Variants in TNFRSF18 observed in about 807,000 individuals in gnomAD.
TNFRSF18 encodes TNF receptor superfamily member 18, also known as tumor necrosis factor receptor superfamily member 18.
Under a neutral mutation model 30.2 loss-of-function variants are expected in TNFRSF18, and 36 were observed. The ratio of observed to expected loss-of-function variants is 1.19; its 90% CI spans 0.91 to 1.58. The LOEUF (loss-of-function observed/expected upper bound fraction) is 1.58, where lower values mean the gene tolerates loss of function less well. Among genes scored for constraint, TNFRSF18 ranks in the 40% most tolerant of loss-of-function variants. The pLI, the probability that TNFRSF18 is intolerant of heterozygous loss-of-function variation, is 0.00. For synonymous variants in TNFRSF18, 173 were observed against 158.3 expected, an observed-to-expected ratio of 1.09 and a Z score of -0.70; for missense variants, 369 against 345.4, an observed-to-expected ratio of 1.07 and a Z score of -0.54.
In TNFRSF18 at chr1:1,204,389, C is replaced by T. The variant is rs1162679650; in HGVS notation, c.398+10G>A. 1 of 1,612,244 alleles carries T rather than the reference C, an allele frequency of 6.2e-7. No individual in the cohort carries two copies. The highest frequency in any genetic ancestry group is 8.5e-7 in the Non-Finnish European group (1 of 1,179,638). ...CACCCGGCCACCGGCAGGGCCCACC[C>T]AGGACTCACTCTGTCCAAGGTTTGC... On this transcript the variant is annotated intron_variant, in intron 3 of 4. Transcript: ENST00000379268.
In TNFRSF18 at chr1:1,205,418, T is replaced by C; in HGVS notation, c.262A>G (p.Thr88Ala). The C allele has an allele frequency of 6.2e-7, 1 of 1,612,452 alleles. No homozygotes were observed. The highest frequency in any genetic ancestry group is 1.1e-5 in the South Asian group (1 of 91,070). ...GGGGGACAAGGGTGGTGCCGGCAGGTCGTGCAGCAAGGGTCTCCGCAGTGG... is the reference window on the plus strand; with the variant it reads ...GGGGGACAAGGGTGGTGCCGGCAGGCCGTGCAGCAAGGGTCTCCGCAGTGG... ...EFHCGDPCCT[T>A]CRHHPCPPGQ... Residue 88 changes from threonine to alanine, a missense_variant, in exon 2 of 5, where the codon ACC (threonine) becomes GCC (alanine). Thr to Ala is a moderately conservative substitution (Grantham distance 58). Transcript: ENST00000379268.
At chr1:1,205,798 C>T (rs1648794668) in intron 1 of TNFRSF18, 1 of 374,978 alleles carries the variant, frequency 2.7e-6, no homozygotes, top group Non-Finnish European at 4.9e-6. Flanking sequence ...GTGCACAGTC[C>T]CCTGGAGGCC....
In TNFRSF18 at chr1:1,204,112, C is replaced by T. The variant is rs764696354; in HGVS notation, c.523G>A (p.Ala175Thr). 44 of 1,610,350 alleles carry T rather than the reference C, an allele frequency of 2.7e-5. No homozygotes were observed. The highest frequency in any genetic ancestry group is 4.4e-5 in the South Asian group (4 of 90,700). Residue 175 changes from alanine to threonine, a missense_variant, in exon 4 of 5, where the codon GCC (alanine) becomes ACC (threonine). Coordinates refer to ENST00000379268, the MANE Select transcript of TNFRSF18 (RefSeq NM_004195.3). ...WLTVVLLAVA[A>T]CVLLLTSAQL... ...GCCGAGGTCAGGAGGAGGACGCAGGCGGCCACGGCCAGGAGGACGACGGTC... is the reference window on the plus strand; with the variant it reads ...GCCGAGGTCAGGAGGAGGACGCAGGTGGCCACGGCCAGGAGGACGACGGTC...
At position 1,203,935 on chromosome 1, in the gene TNFRSF18, G is replaced by A. The variant is rs768525310; in HGVS notation, c.635C>T (p.Thr212Ile). ...TQLLLEVPPS[T>I]EDARSCQFPE... ...GAACTGGCAGCTTCTGGCGTCTTCG[G>A]TCGACGGCGGCACCTCCAGCAGCAG... The change falls in exon 5 of 5, where the codon ACC (threonine) becomes ATC (isoleucine). Residue 212 changes from threonine to isoleucine, a missense_variant. Coordinates refer to ENST00000379268, the MANE Select transcript of TNFRSF18 (RefSeq NM_004195.3). 7 of 1,607,452 alleles carry A rather than the reference G, an allele frequency of 4.4e-6. No homozygotes were observed. The highest frequency in any genetic ancestry group is 3.3e-5 in the South Asian group (3 of 90,944).
Position 1,206,476 on chromosome 1 carries a change from G to A in TNFRSF18, c.96C>T (p.Pro32=), listed in dbSNP as rs1267457653. 20 of 1,546,462 alleles carry A rather than the reference G, an allele frequency of 1.3e-5. No homozygotes were observed. Among genetic ancestry groups the A allele is most frequent in the Admixed American group, 9.8e-5 (5 of 50,900 alleles). The stretch of plus-strand genomic sequence containing the variant: ...GCAGGAGGCGCCCAGGGCCGCACCC[G>A]GGACCCCCGGTGGGGCGCTGACCCA... ...LSLGQRPTGG[P]GCGPGRLLLG... Residue 32 remains proline, a synonymous_variant, in exon 1 of 5, where the codon CCC becomes CCT. Transcript: ENST00000379268.
rs376685807 is a variant in TNFRSF18 at position 1,204,501 on chromosome 1, G to A, written c.311-15C>T. 268 of 1,570,356 alleles carry A rather than the reference G, an allele frequency of 1.7e-4. 2 individuals carry two copies. Among genetic ancestry groups the A allele is most frequent in the East Asian group, 6.7e-5 (3 of 44,652 alleles). On this transcript the variant is annotated splice_polypyrimidine_tract_variant and intron_variant, in intron 2 of 4. Coordinates refer to ENST00000379268, the MANE Select transcript of TNFRSF18 (RefSeq NM_004195.3). The stretch of plus-strand genomic sequence containing the variant: ...ACTGAATTTCCCTGGTGTGGGGTGT[G>A]GGGGGAGGGAGGGAGGGAGGCTGGT...
In TNFRSF18 at chr1:1,204,504, G is replaced by T; in HGVS notation, c.311-18C>A. On this transcript the variant is annotated intron_variant, in intron 2 of 4. Coordinates refer to ENST00000379268, the MANE Select transcript of TNFRSF18 (RefSeq NM_004195.3). Reference sequence around the variant, plus strand: ...GAATTTCCCTGGTGTGGGGTGTGGGGGGAGGGAGGGAGGGAGGCTGGTGGA... The same window carrying T: ...GAATTTCCCTGGTGTGGGGTGTGGGTGGAGGGAGGGAGGGAGGCTGGTGGA... The T allele has an allele frequency of 2.1e-6, 3 of 1,450,094 alleles. No individual in the cohort carries two copies. Among genetic ancestry groups the T allele is most frequent in the Non-Finnish European group, 2.9e-6 (3 of 1,036,832 alleles). 89.8% of individuals were successfully genotyped at this position (1,450,094 alleles called of 1,614,324 possible).
Position 1,204,500 on chromosome 1 carries a change from TG to T in TNFRSF18, c.311-15del. 1.1e-5 allele frequency: 4 copies of T among 354,640 alleles called. No individual in the cohort carries two copies. The highest frequency in any genetic ancestry group is 2.2e-5 in the Non-Finnish European group (4 of 181,128). 22.0% of individuals were successfully genotyped at this position (354,640 alleles called of 1,614,324 possible). On this transcript the variant is annotated splice_polypyrimidine_tract_variant and intron_variant, in intron 2 of 4. Coordinates refer to ENST00000379268, the MANE Select transcript of TNFRSF18 (RefSeq NM_004195.3). ...AACTGAATTTCCCTGGTGTGGGGTG[TG>T]GGGGGAGGGAGGGAGGGAGGCTGGT...
At position 1,203,914 on chromosome 1, in the gene TNFRSF18, T is replaced by C; in HGVS notation, c.656A>G (p.Gln219Arg). 1.9e-6 allele frequency: 3 copies of C among 1,607,886 alleles called. 1 individual carries two copies. Among genetic ancestry groups the C allele is most frequent in the Non-Finnish European group, 8.5e-7 (1 of 1,179,566 alleles). The change falls in exon 5 of 5, where the codon CAG becomes CGG. Residue 219 changes from glutamine to arginine, a missense_variant. Transcript: ENST00000379268. ...PPSTEDARSC[Q>R]FPEEERGERS... ...CTCGCCCCGCTCTTCCTCGGGGAAC[T>C]GGCAGCTTCTGGCGTCTTCGGTCGA...
chr1:1,206,007 C>T (rs11466681), intron 1 of TNFRSF18, among the ~76,000 whole-genome samples: 9,482 of 152,276 alleles, frequency 0.062, 326 homozygotes, highest in East Asian at 0.13. Context: ...AGGTCAGAGG[C>T]AGGCAGCAGG....
chr1:1,206,280 G>T, intron 1 of TNFRSF18, 105 bp downstream of exon 1: 1 of 1,349,712 alleles, frequency 7.4e-7, no homozygotes, highest in Non-Finnish European at 1.0e-6. Context: ...ACCCTCCTTA[G>T]ACCTCAGCAA....
Position 1,205,463 on chromosome 1 carries a change from T to G in TNFRSF18, c.217A>C (p.Met73Leu), listed in dbSNP as rs765173959. ...GEECCSEWDC[M>L]CVQPEFHCGD... ...CAGTGGAATTCAGGCTGGACACACA[T>G]GCAGTCCCACTCGGAACAGCACTCC... The change falls in exon 2 of 5, where the codon ATG (methionine) becomes CTG (leucine). Residue 73 changes from methionine to leucine, a missense_variant. Coordinates refer to ENST00000379268, the MANE Select transcript of TNFRSF18 (RefSeq NM_004195.3). 4 of 1,612,498 alleles carry G rather than the reference T, an allele frequency of 2.5e-6. No homozygotes were observed. In the Admixed American group the frequency reaches 6.7e-5, roughly 27 times the overall value.
chr1:1,206,431 C>T lies in TNFRSF18; in HGVS notation c.141G>A (p.Ala47=), dbSNP rs1488915099. Residue 47 remains alanine (A), a synonymous_variant, in exon 1 of 5, where the codon GCG becomes GCA. Coordinates refer to ENST00000379268, the MANE Select transcript of TNFRSF18 (RefSeq NM_004195.3). ...GRLLLGTGTD[A]RCCRVHTTRC... is the part of the protein sequence containing the mutation. ...GCGTCGTGTGAACCCGGCAGCAGCG[C>T]GCGTCCGTTCCCGTCCCAAGCAGGA... The T allele has an allele frequency of 3.2e-5, 50 of 1,547,310 alleles. No homozygotes were observed. The highest frequency in any genetic ancestry group is 1.8e-4 in the Admixed American group (9 of 50,934).
chr1:1,206,272 C>T (rs1004049463), intron 1 of TNFRSF18, 113 bp downstream of exon 1: 1 of 1,251,880 alleles, frequency 8.0e-7, no homozygotes, highest in African/African-American at 1.6e-5. Flanking sequence ...CTGTGCCCAC[C>T]CTCCTTAGAC....
chr1:1,203,966 T>G lies in TNFRSF18; in HGVS notation c.604A>C (p.Thr202Pro). 3.7e-6 allele frequency: 6 copies of G among 1,607,154 alleles called. No individual in the cohort carries two copies. Among genetic ancestry groups the G allele is most frequent in the Non-Finnish European group, 5.1e-6 (6 of 1,178,526 alleles). ...LRSQCMWPRE[T>P]QLLLEVPPST... ...GGCGGCACCTCCAGCAGCAGCTGGG[T>G]CTCTGCAGGGGGGCCACGGTCAGCA... The change falls in exon 5 of 5, where the codon ACC becomes CCC. Residue 202 changes from threonine to proline, a missense_variant and splice_region_variant. Physicochemically the swap from Thr to Pro is conservative, Grantham distance 38 (BLOSUM62 -1). Transcript: ENST00000379268.
At chr1:1,204,310 G>T (rs946416) in intron 3 of TNFRSF18, 74 bp from the exon 4 acceptor site, 16 of 1,591,408 alleles carry the variant, frequency 1.0e-5, no homozygotes, top group African/African-American at 4.0e-5. Context: ...GCTGCCCTCC[G>T]TGCTGTCTGG....
intron 2 of TNFRSF18, among the ~76,000 whole-genome samples, chr1:1,205,055 G>T (rs1815606): frequency 0.52 from 78,740 of 152,078 alleles, 24,934 homozygotes; most frequent in East Asian, 0.91. Flanking sequence ...CTTTCAGTAT[G>T]TGGTGAGGAC....
In TNFRSF18 at chr1:1,203,600, C is replaced by T. The variant is rs577094566; in HGVS notation, c.*244G>A. ...GACACAGCCTCCCGTCCTAAGACCC[C>T]ACCCCATCAGGGCCAGCAAGGGAGG... On this transcript the variant is annotated 3_prime_UTR_variant, in exon 5 of 5. Coordinates refer to ENST00000379268, the MANE Select transcript of TNFRSF18 (RefSeq NM_004195.3). 1.4e-5 allele frequency: 21 copies of T among 1,520,548 alleles called. 1 individual carries two copies. The Admixed American group carries it at 2.5e-4, about 18-fold the overall frequency. 94.2% of individuals were successfully genotyped at this position (1,520,548 alleles called of 1,614,324 possible).
chr1:1,203,557 G>A lies in TNFRSF18; in HGVS notation c.*287C>T. 2 of 1,477,564 alleles carry A rather than the reference G, an allele frequency of 1.4e-6. No homozygotes were observed. The highest frequency in any genetic ancestry group is 2.4e-5 in the East Asian group (1 of 42,420). 91.5% of individuals were successfully genotyped at this position (1,477,564 alleles called of 1,614,324 possible). A position where few individuals can be genotyped will look rare whatever the true frequency, so the allele number is the denominator to read the frequency against. On this transcript the variant is annotated 3_prime_UTR_variant, in exon 5 of 5. Coordinates refer to ENST00000379268, the MANE Select transcript of TNFRSF18 (RefSeq NM_004195.3). ...GTCCCCTGCAGCCGGGTCCCGTGCT[G>A]GGCACTGCACACCCACGGACACAGC... is the stretch of plus-strand genomic sequence containing the variant.
Sources: gnomAD v4.1 joint callset for allele counts (sites outside exome capture counted in the v4.1 genomes callset) on GRCh38, gnomAD v4.1.1 for gene constraint, MANE v1.5 for transcripts, NCBI Gene and HGNC (gene_info 2026-07-23, HGNC 2026-07-21) for gene names.